The following PRORP variants were observed in gnomAD, a reference collection of about 807,000 sequenced individuals.
PRORP encodes the protein mitochondrial ribonuclease P catalytic subunit.
In PRORP, 51 loss-of-function variants were observed where a neutral mutation model predicts 59.4. The ratio of observed to expected loss-of-function variants is 0.86; its 90% CI spans 0.69 to 1.08. The LOEUF (loss-of-function observed/expected upper bound fraction) is 1.08, where lower values mean the gene tolerates loss of function less well. Ranked by LOEUF, PRORP falls within the 50% of genes least tolerant of loss-of-function variation. The pLI is 0.00. For synonymous variants in PRORP, 231 were observed against 245.6 expected (o/e 0.94, Z 0.55); for missense variants, 646 against 690.3 (o/e 0.94, Z 0.72).
rs773016315 is a variant in PRORP at position 35,244,446 on chromosome 14, CT to C, written c.1276-22268del. Among the ~76,000 whole-genome samples, 943 of 143,048 alleles carry C rather than the reference CT, an allele frequency of 6.6e-3. 4 individuals carry two copies. Among genetic ancestry groups the C allele is most frequent in the African/African-American group, 0.012 (483 of 39,160 alleles). 93.8% of individuals were successfully genotyped at this position (143,048 alleles called of 152,430 possible). A position where few individuals can be genotyped will look rare whatever the true frequency, so the allele number is the denominator to read the frequency against. On this transcript the variant is annotated intron_variant, in intron 5 of 7. Coordinates refer to ENST00000534898, the MANE Select transcript of PRORP (RefSeq NM_014672.4). ...GTTTACTTATCTTCTTGGATATTAT[CT>C]TTTTTTTTTTTTAACTTCATTTTGC...
chr14:35,135,995 A>G (rs188325271), intron 4 of PRORP, among the ~76,000 whole-genome samples: 589 of 151,322 alleles, frequency 3.9e-3, no homozygotes, highest in African/African-American at 0.012. Context: ...CAAAAGTATG[A>G]TATGTATATT....
At chr14:35,249,038 C>G (rs2050549242) in intron 5 of PRORP, among the ~76,000 whole-genome samples, 1 of 152,176 alleles carries the variant, frequency 6.6e-6, no homozygotes, top group Admixed American at 6.5e-5. Flanking sequence ...CAAGAGAGTT[C>G]ATCAATCATT....
At chr14:35,245,380 C>T (rs967756085) in intron 5 of PRORP, among the ~76,000 whole-genome samples, 3 of 152,154 alleles carry the variant, frequency 2.0e-5, no homozygotes, top group Non-Finnish European at 2.9e-5. Flanking sequence ...CAGTGGCTCA[C>T]GCCTCTAATA....
upstream of PRORP, chr14:35,122,172 C>G (rs569834146): frequency 3.0e-5 from 17 of 572,614 alleles, no homozygotes; most frequent in Middle Eastern, 5.8e-4. Context: ...GGGGAAAAAA[C>G]TATGAAAGAG....
At chr14:35,268,720 C>T (rs1009253096) in intron 6 of PRORP, among the ~76,000 whole-genome samples, 1 of 152,120 alleles carries the variant, frequency 6.6e-6, no homozygotes, top group Non-Finnish European at 1.5e-5. Context: ...CTCAGCCTCC[C>T]AAGTAGTTGG....
chr14:35,139,598 A>G (rs1349895055), intron 4 of PRORP, among the ~76,000 whole-genome samples: 1 of 145,232 alleles, frequency 6.9e-6, no homozygotes, highest in Non-Finnish European at 1.5e-5. Context: ...GTAGTATTCC[A>G]TTGTGTGACT....
intron 5 of PRORP, among the ~76,000 whole-genome samples, chr14:35,203,681 A>G (rs925458188): frequency 2.6e-5 from 4 of 152,152 alleles, no homozygotes; most frequent in Admixed American, 6.5e-5. Context: ...TGGCTAACAC[A>G]GTGAAACCCC....
intron 5 of PRORP, among the ~76,000 whole-genome samples, chr14:35,253,087 A>G (rs1442815144): frequency 1.3e-5 from 2 of 152,176 alleles, no homozygotes; most frequent in African/African-American, 4.8e-5. Flanking sequence ...TAATCCCAGT[A>G]CTTTGGGAGG....
Position 35,276,697 on chromosome 14 carries a change from G to T in PRORP, c.*3131G>T, listed in dbSNP as rs1231060105. The T allele has an allele frequency of 6.6e-6, 1 of 152,098 alleles. No homozygotes were observed. The highest frequency in any genetic ancestry group is 1.5e-5 in the Non-Finnish European group (1 of 68,020). 9.4% of individuals were successfully genotyped at this position (152,098 alleles called of 1,614,324 possible). ...ACAAGAAGGAGGAATTATTTTAAAA[G>T]CTGTACTCTTAAATTGTTAGTATCT... is the stretch of plus-strand genomic sequence containing the variant. On this transcript the variant is annotated 3_prime_UTR_variant, in exon 8 of 8. Transcript: ENST00000534898.
At position 35,259,736 on chromosome 14, in the gene PRORP, C is replaced by CA. The variant is rs779277658; in HGVS notation, c.1276-6982dup. On this transcript the variant is annotated intron_variant, in intron 5 of 7. Transcript: ENST00000534898. ...TGAAAATCGGGCTTTACTAAAAATA[C>CA]AAAAAAAAATTAGCCAGGCATGGTG... 2.3e-4 allele frequency among the ~76,000 whole-genome samples: 34 copies of CA among 150,358 alleles called. No individual in the cohort carries two copies. The South Asian group carries it at 3.1e-3, about 14-fold the overall frequency.
At chr14:35,248,050 A>G (rs975410807) in intron 5 of PRORP, among the ~76,000 whole-genome samples, 4 of 152,170 alleles carry the variant, frequency 2.6e-5, no homozygotes, top group African/African-American at 4.8e-5. Context: ...GGATGTTCCC[A>G]AAGCAGGAAG....
At chr14:35,157,671 G>A (rs948789023) in intron 4 of PRORP, among the ~76,000 whole-genome samples, 1 of 152,146 alleles carries the variant, frequency 6.6e-6, no homozygotes, top group Non-Finnish European at 1.5e-5. Flanking sequence ...ATTACAGTGT[G>A]AGCCACGGTG....
chr14:35,146,736 T>G (rs750624383), intron 4 of PRORP, among the ~76,000 whole-genome samples: 17 of 152,338 alleles, frequency 1.1e-4, no homozygotes, highest in Non-Finnish European at 2.4e-4. Context: ...GTTCTAAGCT[T>G]TATCGTAAAT....
At chr14:35,151,119 G>A (rs559854245) in intron 4 of PRORP, among the ~76,000 whole-genome samples, 1 of 152,064 alleles carries the variant, frequency 6.6e-6, no homozygotes, top group African/African-American at 2.4e-5. Flanking sequence ...TCTACTAAGT[G>A]AATTTTTAGA....
At chr14:35,243,341 A>G (rs77637072) in intron 5 of PRORP, among the ~76,000 whole-genome samples, 9,288 of 151,956 alleles carry the variant, frequency 0.061, 368 homozygotes, top group Middle Eastern at 0.11. Context: ...ACACCAGCCT[A>G]TGAGCAACAT....
At chr14:35,147,305 A>G (rs2047635753) in intron 4 of PRORP, among the ~76,000 whole-genome samples, 2 of 152,258 alleles carry the variant, frequency 1.3e-5, no homozygotes, top group South Asian at 4.1e-4. Context: ...CTGACTGATC[A>G]AAGTGGTGGT....
chr14:35,142,343 CTTT>C (rs576082267), intron 4 of PRORP, among the ~76,000 whole-genome samples: 1 of 116,734 alleles, frequency 8.6e-6, no homozygotes, highest in African/African-American at 2.9e-5. Flanking sequence ...AAATTCATTG[CTTT>C]TTTTTTTTTT....
At chr14:35,166,593 G>A (rs528064756) in intron 4 of PRORP, among the ~76,000 whole-genome samples, 77 of 152,096 alleles carry the variant, frequency 5.1e-4, no homozygotes, top group Non-Finnish European at 1.0e-3. Flanking sequence ...GGGACTACAG[G>A]CGCGTGCCAC....
At chr14:35,256,024 G>A (rs909458183) in intron 5 of PRORP, among the ~76,000 whole-genome samples, 4 of 151,976 alleles carry the variant, frequency 2.6e-5, no homozygotes, top group Non-Finnish European at 2.9e-5. Context: ...AGTGGTTCAC[G>A]CCTGTAATCC....
Sources: allele counts gnomAD v4.1 joint callset (sites outside exome capture counted in the v4.1 genomes callset), GRCh38; gene constraint gnomAD v4.1.1; transcripts MANE v1.5; gene names NCBI Gene and HGNC (gene_info 2026-07-23, HGNC 2026-07-21).